MEP1B: variants seen among roughly 807,000 people sequenced by gnomAD.
The protein encoded by MEP1B is N-benzoyl-L-tyrosyl-P-amino-benzoic acid hydrolase subunit beta.
MEP1B carries 80 observed loss-of-function variants against 84.6 expected under a neutral mutation model. The ratio of observed to expected loss-of-function variants is 0.95; its 90% CI spans 0.79 to 1.14. The LOEUF (loss-of-function observed/expected upper bound fraction) is 1.14. Ranked by LOEUF, MEP1B falls within the 50% of genes most tolerant of loss-of-function variation. MEP1B has a pLI of 0.00. For missense variants in MEP1B, 766 were observed against 855.1 expected (o/e 0.90, Z 1.30); for synonymous variants, 273 against 288.1 (o/e 0.95, Z 0.53).
intron 5 of MEP1B, among the ~76,000 whole-genome samples, chr18:32,201,661 T>C (rs1349187696): frequency 1.3e-5 from 2 of 152,214 alleles, no homozygotes; most frequent in Admixed American, 6.5e-5. Flanking sequence ...GCAAAATGTA[T>C]GGTAAGGGTG....
At position 32,210,506 on chromosome 18, in the gene MEP1B, G is replaced by T. The variant is rs766727187; in HGVS notation, c.925G>T (p.Gly309Cys). The T allele has an allele frequency of 6.2e-7, 1 of 1,613,494 alleles. No homozygotes were observed. The highest frequency in any genetic ancestry group is 8.5e-7 in the Non-Finnish European group (1 of 1,179,586). The change falls in exon 10 of 15, where the codon GGT (glycine) becomes TGT (cysteine). Residue 309 changes from glycine (G) to cysteine (C), a missense_variant. Coordinates refer to ENST00000269202, the MANE Select transcript of MEP1B (RefSeq NM_005925.3). ...ATTCTGCTTTTCTTTAACAGGTTCT[G>T]GTTTCTTCATGCATTTCGATAGCAG... is the stretch of plus-strand genomic sequence containing the variant. Reference protein sequence around the residue: ...HSNMGQCQGSGFFMHFDSSSV... With the variant: ...HSNMGQCQGSCFFMHFDSSSV...
chr18:32,198,844 G>C (rs1292861500), intron 5 of MEP1B, among the ~76,000 whole-genome samples: 1 of 152,126 alleles, frequency 6.6e-6, no homozygotes, highest in Non-Finnish European at 1.5e-5. Flanking sequence ...AAAGAAGATA[G>C]GGAGACCAGT....
Position 32,213,169 on chromosome 18 carries a change from AAGTTTAG to A in MEP1B, c.1193_1199del (p.Phe398TrpfsTer35), listed in dbSNP as rs2041045736. 1 of 1,613,866 alleles carries A rather than the reference AAGTTTAG, an allele frequency of 6.2e-7. No individual in the cohort carries two copies. On this transcript the variant is annotated frameshift_variant, in exon 11 of 15. Transcript: ENST00000269202. LOFTEE classifies it high-confidence loss of function. Reference sequence around the variant, plus strand: ...TCATGTAACATTGAAAGTGACCAAGAAGTTTAGAGTGGTGTTTGAAGGACGCAAAGGC... The same window carrying A: ...TCATGTAACATTGAAAGTGACCAAGAAGTGGTGTTTGAAGGACGCAAAGGC...
Position 32,217,748 on chromosome 18 carries a change from T to C in MEP1B, c.1887-13T>C. 6.2e-7 allele frequency: 1 copy of C among 1,609,144 alleles called. No individual in the cohort carries two copies. On this transcript the variant is annotated splice_polypyrimidine_tract_variant and intron_variant, in intron 13 of 14. Coordinates refer to ENST00000269202, the MANE Select transcript of MEP1B (RefSeq NM_005925.3). ...ATCAACTAATAACTCTGAGTCATGC[T>C]CTCAACATGCAGGTGCCAGTCAGGG...
At position 32,190,119 on chromosome 18, in the gene MEP1B, G is replaced by A. The variant is rs769855667; in HGVS notation, c.49G>A (p.Val17Met). 12 of 1,612,958 alleles carry A rather than the reference G, an allele frequency of 7.4e-6. No homozygotes were observed. The Admixed American group carries it at 1.0e-4, about 13-fold the overall frequency. Reference sequence around the variant, plus strand: ...GTTTCTGTTCTTGGATGCTCTTCTCGTGATTTCTGGCTTGGTAAGGAAACA... The same window carrying A: ...GTTTCTGTTCTTGGATGCTCTTCTCATGATTTCTGGCTTGGTAAGGAAACA... ...SWFLFLDALL[V>M]ISGLATPENF... Residue 17 changes from valine (V) to methionine (M), a missense_variant, in exon 1 of 15, where the codon GTG (valine) becomes ATG (methionine). Transcript: ENST00000269202.
intron 5 of MEP1B, among the ~76,000 whole-genome samples, chr18:32,198,600 A>T (rs1381389026): frequency 6.6e-6 from 1 of 152,170 alleles, no homozygotes; most frequent in Middle Eastern, 3.2e-3. Flanking sequence ...GTCCTGAAGA[A>T]GGGAGAAAAT....
intron 6 of MEP1B, 97 bp downstream of exon 6, chr18:32,203,107 A>G (rs2040929272): frequency 3.0e-6 from 2 of 660,986 alleles, no homozygotes; most frequent in Admixed American, 3.1e-5. Context: ...ACCTTTAGGA[A>G]GGGGTGGGGA....
At chr18:32,199,245 A>C (rs1052912408) in intron 5 of MEP1B, among the ~76,000 whole-genome samples, 5 of 152,222 alleles carry the variant, frequency 3.3e-5, no homozygotes, top group African/African-American at 1.2e-4. Context: ...TGAAGCCGTG[A>C]GTATGGATGA....
chr18:32,204,178 T>C lies in MEP1B; in HGVS notation c.369-4T>C. ...TCCCCCTTTCTTGTAAACTCTCCTG[T>C]AAGCTGCTGGTCTTCAGTAGGAAAT... On this transcript the variant is annotated splice_region_variant and splice_polypyrimidine_tract_variant and intron_variant, in intron 6 of 14. Coordinates refer to ENST00000269202, the MANE Select transcript of MEP1B (RefSeq NM_005925.3). The C allele has an allele frequency of 6.2e-7, 1 of 1,602,944 alleles. No individual in the cohort carries two copies.
At chr18:32,210,804 C>A (rs2041018898) in intron 10 of MEP1B, 88 bp downstream of exon 10, 1 of 1,054,072 alleles carries the variant, frequency 9.5e-7, no homozygotes, top group South Asian at 1.4e-5. Context: ...TACAATAGGG[C>A]AGGGGCTACT....
At chr18:32,204,770 G>A (rs185468181) in intron 7 of MEP1B, among the ~76,000 whole-genome samples, 2 of 152,280 alleles carry the variant, frequency 1.3e-5, no homozygotes, top group East Asian at 3.9e-4. Flanking sequence ...AAATCAAGGG[G>A]TGGGCATTTG....
rs768794252 is a variant in MEP1B at position 32,204,196 on chromosome 18, T to C, written c.383T>C (p.Val128Ala). 12 of 1,606,184 alleles carry C rather than the reference T, an allele frequency of 7.5e-6. 1 individual carries two copies. The South Asian group carries it at 1.2e-4, about 16-fold the overall frequency. Residue 128 changes from valine (V) to alanine (A), a missense_variant, in exon 7 of 15, where the codon GTA (valine) becomes GCA (alanine). By Grantham distance (64) the Val-to-Ala change is moderately conservative. Transcript: ENST00000269202. ...VFKGSGCWSSVGNRRVGKQEL... is the reference protein window; with the variant it reads ...VFKGSGCWSSAGNRRVGKQEL... Reference sequence around the variant, plus strand: ...TCTCCTGTAAGCTGCTGGTCTTCAGTAGGAAATAGGCGGGTTGGGAAGCAA... The same window carrying C: ...TCTCCTGTAAGCTGCTGGTCTTCAGCAGGAAATAGGCGGGTTGGGAAGCAA...
intron 5 of MEP1B, among the ~76,000 whole-genome samples, chr18:32,199,658 CCTTTCGTTCGTTCCTTCCTTCCTT>C (rs1418043689): frequency 8.5e-5 from 7 of 82,204 alleles, no homozygotes; most frequent in East Asian, 7.5e-4. Context: ...TCCTTTTTTT[CCTTTCGTTCGTTCCTTCCTTCCTT>C]CCTTCCTTCC....
At chr18:32,203,748 CT>C (rs1269248261) in intron 6 of MEP1B, among the ~76,000 whole-genome samples, 3 of 152,180 alleles carry the variant, frequency 2.0e-5, no homozygotes, top group African/African-American at 7.2e-5. Flanking sequence ...ATCTGCTCAG[CT>C]TTTGGGGAGG....
At chr18:32,202,003 A>G (rs28410852) in intron 5 of MEP1B, among the ~76,000 whole-genome samples, 20,519 of 152,180 alleles carry the variant, frequency 0.13, 2,308 homozygotes, top group African/African-American at 0.31. Context: ...TATCCTGCAA[A>G]GTTGATTTTA....
intron 9 of MEP1B, among the ~76,000 whole-genome samples, chr18:32,210,129 T>C (rs1401433217): frequency 6.6e-6 from 1 of 152,234 alleles, no homozygotes; most frequent in Non-Finnish European, 1.5e-5. Flanking sequence ...ATCTACCTTT[T>C]AGCCCTGCTG....
At chr18:32,204,419 C>A in intron 7 of MEP1B, 59 bp downstream of exon 7, 2 of 1,385,750 alleles carry the variant, frequency 1.4e-6, no homozygotes, top group South Asian at 1.3e-5. Context: ...AAGCATGTGT[C>A]CTCTCTTGTC....
At chr18:32,211,552 A>C (rs2041028131) in intron 10 of MEP1B, among the ~76,000 whole-genome samples, 1 of 152,316 alleles carries the variant, frequency 6.6e-6, no homozygotes, top group Non-Finnish European at 1.5e-5. Context: ...GTCTGGAAAA[A>C]GGACTCTTCC....
chr18:32,211,379 G>A (rs1008258554), intron 10 of MEP1B, among the ~76,000 whole-genome samples: 2 of 152,214 alleles, frequency 1.3e-5, no homozygotes, highest in African/African-American at 4.8e-5. Flanking sequence ...GTTACAGCCT[G>A]TGGGACAGAT....
Sources: allele counts gnomAD v4.1 joint callset (sites outside exome capture counted in the v4.1 genomes callset), GRCh38; gene constraint gnomAD v4.1.1; transcripts MANE v1.5; gene names NCBI Gene and HGNC (gene_info 2026-07-23, HGNC 2026-07-21).